The following PTPRD variants were observed in gnomAD, a reference collection of about 807,000 sequenced individuals.
PTPRD encodes protein tyrosine phosphatase receptor type D.
In PTPRD, 34 loss-of-function variants were observed where a neutral mutation model predicts 214.5. The ratio of observed to expected loss-of-function variants is 0.16; its 90% CI spans 0.12 to 0.21. The LOEUF (loss-of-function observed/expected upper bound fraction) is 0.21. PTPRD is among the 10% of genes least tolerant of loss of function. The pLI is 1.00. For missense variants in PTPRD, 2,545 were observed against 2,398.7 expected (o/e 1.06, Z -1.27); for synonymous variants, 1,128 against 845.7 (o/e 1.33, Z -5.79).
chr9:9,968,877 T>A (rs1437376451), intron 4 of PTPRD, among the ~76,000 whole-genome samples: 2 of 152,162 alleles, frequency 1.3e-5, no homozygotes, highest in African/African-American at 4.8e-5. Context: ...TGTGATAACT[T>A]AATAACTGAA....
chr9:10,223,947 G>A (rs527444920), intron 3 of PTPRD, among the ~76,000 whole-genome samples: 116 of 151,482 alleles, frequency 7.7e-4, no homozygotes, highest in African/African-American at 2.8e-3. Flanking sequence ...GCTTTATGTA[G>A]GCCAAAAACT....
At chr9:8,839,696 A>C (rs1185664161) in intron 11 of PTPRD, among the ~76,000 whole-genome samples, 1 of 152,176 alleles carries the variant, frequency 6.6e-6, no homozygotes, top group African/African-American at 2.4e-5. Flanking sequence ...AACAACCCTA[A>C]AAAGAAATAA....
intron 9 of PTPRD, among the ~76,000 whole-genome samples, chr9:9,267,068 A>G (rs758401081): frequency 1.3e-5 from 2 of 151,310 alleles, no homozygotes; most frequent in Non-Finnish European, 3.0e-5. Flanking sequence ...ATGAAGAAAT[A>G]TAAATGAATA....
intron 3 of PTPRD, among the ~76,000 whole-genome samples, chr9:10,189,801 T>A (rs2099354421): frequency 6.6e-6 from 1 of 152,070 alleles, no homozygotes; most frequent in Admixed American, 6.6e-5. Context: ...AAATCATATA[T>A]AAACCAAGAC....
At chr9:9,296,334 C>A (rs1264955354) in intron 9 of PTPRD, among the ~76,000 whole-genome samples, 2 of 151,686 alleles carry the variant, frequency 1.3e-5, no homozygotes, top group African/African-American at 4.8e-5. Flanking sequence ...AAATGGACAT[C>A]ATTAGCAGTC....
At chr9:9,840,759 T>A (rs1478323608) in intron 5 of PTPRD, among the ~76,000 whole-genome samples, 1 of 54,594 alleles carries the variant, frequency 1.8e-5, no homozygotes, top group Non-Finnish European at 2.8e-5. Context: ...AAGACTCCGT[T>A]TCAAAAAAAA....
intron 9 of PTPRD, among the ~76,000 whole-genome samples, chr9:9,286,128 C>T (rs932240227): frequency 2.0e-5 from 3 of 151,844 alleles, no homozygotes; most frequent in Non-Finnish European, 4.4e-5. Flanking sequence ...ATATTCTATC[C>T]TCTTCTTTCT....
intron 3 of PTPRD, among the ~76,000 whole-genome samples, chr9:10,313,397 TAC>T (rs60788124): frequency 7.4e-5 from 11 of 148,340 alleles, no homozygotes; most frequent in South Asian, 2.1e-4. Context: ...AGGTACAGAT[TAC>T]ACACACACAC....
chr9:9,755,187 T>G (rs1409539779), intron 6 of PTPRD, among the ~76,000 whole-genome samples: 1 of 151,888 alleles, frequency 6.6e-6, no homozygotes, highest in Non-Finnish European at 1.5e-5. Flanking sequence ...AGGAGGCAAA[T>G]GAAAAGAGTA....
intron 9 of PTPRD, among the ~76,000 whole-genome samples, chr9:9,250,457 T>G (rs1293047238): frequency 6.6e-6 from 1 of 152,068 alleles, no homozygotes; most frequent in African/African-American, 2.4e-5. Flanking sequence ...AGACAAGGAA[T>G]GCAAACCCTC....
chr9:8,690,121 A>G (rs1242947232), intron 12 of PTPRD, among the ~76,000 whole-genome samples: 1 of 151,922 alleles, frequency 6.6e-6, no homozygotes, highest in Non-Finnish European at 1.5e-5. Flanking sequence ...AAAAAAAAAA[A>G]AAGAAAAATT....
chr9:8,342,034 T>A lies in PTPRD; in HGVS notation c.4662-56A>T, dbSNP rs970242880. ...ATAAACCTATCAGAAAATCAATACA[T>A]AATAAAAGTATTTTTATTATTCTTA... is the stretch of plus-strand genomic sequence containing the variant. On this transcript the variant is annotated intron_variant, in intron 39 of 45. Coordinates refer to ENST00000381196, the MANE Select transcript of PTPRD (RefSeq NM_002839.4). 5 of 1,464,404 alleles carry A rather than the reference T, an allele frequency of 3.4e-6. No homozygotes were observed. In the Admixed American group the frequency reaches 9.4e-5, roughly 28 times the overall value. The allele number at this position is 1,464,404 out of a possible 1,614,324, so 90.7% of individuals were successfully genotyped here. A position where few individuals can be genotyped will look rare whatever the true frequency, so the allele number is the denominator to read the frequency against.
chr9:9,340,261 G>A (rs572622184), intron 9 of PTPRD, among the ~76,000 whole-genome samples: 39 of 152,240 alleles, frequency 2.6e-4, no homozygotes, highest in African/African-American at 9.1e-4. Flanking sequence ...TGTTGCATCA[G>A]AAAGTCCATG....
intron 27 of PTPRD, 130 bp from the exon 28 acceptor site, chr9:8,486,479 C>A (rs1334459825): frequency 1.2e-6 from 1 of 831,572 alleles, no homozygotes; most frequent in South Asian, 1.4e-5. Context: ...ACAAAACAGG[C>A]AATGTTTGAC....
intron 7 of PTPRD, among the ~76,000 whole-genome samples, chr9:9,624,487 C>A (rs2095355477): frequency 6.6e-6 from 1 of 151,884 alleles, no homozygotes; most frequent in Non-Finnish European, 1.5e-5. Flanking sequence ...AGGTTTTTGC[C>A]ATGTTGGCCA....
chr9:9,457,964 A>G (rs180990340), intron 8 of PTPRD, among the ~76,000 whole-genome samples: 122 of 150,132 alleles, frequency 8.1e-4, no homozygotes, highest in African/African-American at 2.7e-3. Flanking sequence ...GCAATTTTGA[A>G]GTAGAAAAAG....
intron 15 of PTPRD, chr9:8,528,379 C>T: frequency 1.6e-6 from 1 of 621,172 alleles, no homozygotes; most frequent in Non-Finnish European, 2.8e-6. Context: ...TAAACAGAAG[C>T]TGCAAAACAC....
chr9:9,567,015 G>T (rs1158228204), intron 8 of PTPRD, among the ~76,000 whole-genome samples: 1 of 151,978 alleles, frequency 6.6e-6, no homozygotes, highest in East Asian at 1.9e-4. Context: ...GTCCATTGCC[G>T]AGAGAGGTCA....
chr9:10,584,476 C>G (rs1361491241), intron 2 of PTPRD, among the ~76,000 whole-genome samples: 1 of 152,166 alleles, frequency 6.6e-6, no homozygotes, highest in Non-Finnish European at 1.5e-5. Flanking sequence ...GACATGATCA[C>G]TCAGTAGAGT....
Sources: gnomAD v4.1 joint callset for allele counts (sites outside exome capture counted in the v4.1 genomes callset) on GRCh38, gnomAD v4.1.1 for gene constraint, MANE v1.5 for transcripts, NCBI Gene and HGNC (gene_info 2026-07-23, HGNC 2026-07-21) for gene names.